ZNF385B: variants seen among roughly 807,000 people sequenced by gnomAD.
ZNF385B encodes the protein zinc finger protein 385B.
A neutral mutation model predicts 39.2 loss-of-function variants in ZNF385B; 23 were observed. That is an observed-to-expected ratio of 0.59 (90% confidence interval 0.42 to 0.83). ZNF385B has a LOEUF of 0.83. Among genes scored for constraint, ZNF385B ranks in the 40% least tolerant of loss-of-function variants. The probability of loss-of-function intolerance (pLI) is 0.00; values close to 1 mark genes in which losing one functional copy is unlikely to be tolerated. For missense variants in ZNF385B, 552 were observed against 598.9 expected (o/e 0.92, Z 0.82); for synonymous variants, 205 against 222.6 (o/e 0.92, Z 0.70).
At chr2:179,604,353 G>A (rs1054460434) in intron 3 of ZNF385B, among the ~76,000 whole-genome samples, 1 of 151,792 alleles carries the variant, frequency 6.6e-6, no homozygotes, top group African/African-American at 2.4e-5. Context: ...TCCTAAGACG[G>A]GGCTAATGAT....
In ZNF385B at chr2:179,861,514, C is replaced by G. The variant is rs539381909; in HGVS notation, c.-568G>C. ...CCGGGGTTTGGACGTGCCAACGCCA[C>G]TCTCGCGCGCCGAAGCTGTGACGGT... On this transcript the variant is annotated 5_prime_UTR_variant, in exon 1 of 10. Transcript: ENST00000410066. 1 of 152,318 alleles carries G rather than the reference C, an allele frequency of 6.6e-6. No individual in the cohort carries two copies. Among genetic ancestry groups the G allele is most frequent in the South Asian group, 2.0e-4 (1 of 4,894 alleles). 9.4% of individuals were successfully genotyped at this position (152,318 alleles called of 1,614,324 possible). A position where few individuals can be genotyped will look rare whatever the true frequency, so the allele number is the denominator to read the frequency against.
intron 3 of ZNF385B, among the ~76,000 whole-genome samples, chr2:179,742,754 G>A (rs753042086): frequency 2.5e-4 from 38 of 152,010 alleles, no homozygotes; most frequent in Admixed American, 3.9e-4. Context: ...TATACAATCA[G>A]GAAAGCCAAA....
chr2:179,744,332 C>A (rs188746772), intron 3 of ZNF385B, among the ~76,000 whole-genome samples: 1 of 113,476 alleles, frequency 8.8e-6, no homozygotes, highest in African/African-American at 3.1e-5. Context: ...TTTTTTAAAT[C>A]ATAGAGACGC....
At chr2:179,725,684 A>G (rs1371221348) in intron 3 of ZNF385B, among the ~76,000 whole-genome samples, 1 of 151,440 alleles carries the variant, frequency 6.6e-6, no homozygotes, top group African/African-American at 2.4e-5. Context: ...CTGAAAGCAC[A>G]GAAATTTAAC....
At chr2:179,687,650 G>A (rs1698027060) in intron 3 of ZNF385B, among the ~76,000 whole-genome samples, 1 of 152,226 alleles carries the variant, frequency 6.6e-6, no homozygotes, top group Admixed American at 6.5e-5. Flanking sequence ...ACATTGAGCA[G>A]TGATTTGGAG....
At chr2:179,480,653 T>A (rs1296528236) in intron 6 of ZNF385B, among the ~76,000 whole-genome samples, 1 of 152,148 alleles carries the variant, frequency 6.6e-6, no homozygotes, top group East Asian at 1.9e-4. Context: ...TGACATATGG[T>A]TGATGGTGAC....
chr2:179,846,729 G>A (rs894549565), intron 1 of ZNF385B, among the ~76,000 whole-genome samples: 1 of 152,222 alleles, frequency 6.6e-6, no homozygotes, highest in Non-Finnish European at 1.5e-5. Flanking sequence ...ACCCCTGAAG[G>A]TTTAAAGTAG....
intron 3 of ZNF385B, among the ~76,000 whole-genome samples, chr2:179,767,275 C>T (rs1703756897): frequency 6.6e-6 from 1 of 152,052 alleles, no homozygotes; most frequent in Non-Finnish European, 1.5e-5. Flanking sequence ...TAGTAGTCAT[C>T]AATTAAGAAC....
At chr2:179,469,173 T>G (rs919194243) in intron 6 of ZNF385B, among the ~76,000 whole-genome samples, 1 of 152,152 alleles carries the variant, frequency 6.6e-6, no homozygotes, top group African/African-American at 2.4e-5. Flanking sequence ...TAAACTTGCT[T>G]TCACTTTTTT....
intron 5 of ZNF385B, among the ~76,000 whole-genome samples, chr2:179,504,174 A>G (rs1184315699): frequency 6.7e-6 from 1 of 149,796 alleles, no homozygotes; most frequent in Non-Finnish European, 1.5e-5. Flanking sequence ...ATGATTTCCA[A>G]TTTCATCCAT....
intron 4 of ZNF385B, among the ~76,000 whole-genome samples, chr2:179,538,514 A>T (rs1025851706): frequency 1.3e-5 from 2 of 152,154 alleles, no homozygotes; most frequent in South Asian, 2.1e-4. Flanking sequence ...CAAGAAAAAA[A>T]TTTTTAAAAA....
chr2:179,580,752 A>G (rs1490592567), intron 3 of ZNF385B, among the ~76,000 whole-genome samples: 2 of 152,212 alleles, frequency 1.3e-5, no homozygotes, highest in Non-Finnish European at 2.9e-5. Context: ...CTTCAGAACT[A>G]TGAAAAATTT....
chr2:179,627,743 C>T (rs549840267), intron 3 of ZNF385B, among the ~76,000 whole-genome samples: 15 of 152,116 alleles, frequency 9.9e-5, no homozygotes, highest in Non-Finnish European at 1.8e-4. Flanking sequence ...TAGCACACTA[C>T]TGCCTATAAT....
chr2:179,555,871 G>C (rs1191320524), intron 3 of ZNF385B, among the ~76,000 whole-genome samples: 3 of 148,970 alleles, frequency 2.0e-5, no homozygotes, highest in African/African-American at 7.6e-5. Flanking sequence ...TCTCCCTAAA[G>C]AGCTCCGACA....
rs759969910 is a variant in ZNF385B, at chr2:179,566,679, C to T, written c.299-21710G>A. Among the ~76,000 whole-genome samples the T allele has an allele frequency of 3.3e-5, 5 of 152,224 alleles. No individual in the cohort carries two copies. The South Asian group carries it at 1.0e-3, about 32-fold the overall frequency. ...TCCACATATTTGAATTTTTAGAACT[C>T]AGAAATAATTTTCTTTTTAATTTAC... On this transcript the variant is annotated intron_variant, in intron 3 of 9. Coordinates refer to ENST00000410066, the MANE Select transcript of ZNF385B (RefSeq NM_152520.6).
At chr2:179,742,149 T>C (rs17824558) in intron 3 of ZNF385B, among the ~76,000 whole-genome samples, 15,500 of 152,178 alleles carry the variant, frequency 0.1, 1,053 homozygotes, top group Admixed American at 0.18. Flanking sequence ...CTAGTAATTA[T>C]AGAAGGCTTT....
chr2:179,774,264 G>A (rs557751315), intron 1 of ZNF385B, among the ~76,000 whole-genome samples: 1 of 151,960 alleles, frequency 6.6e-6, no homozygotes, highest in East Asian at 1.9e-4. Context: ...GTGTGTGTGT[G>A]TGGTATATGT....
chr2:179,610,244 TA>T (rs1270016528), intron 3 of ZNF385B, among the ~76,000 whole-genome samples: 1 of 152,184 alleles, frequency 6.6e-6, no homozygotes, highest in Admixed American at 6.5e-5. Context: ...TGGCAAGAGA[TA>T]GGGGTCTAGT....
intron 3 of ZNF385B, among the ~76,000 whole-genome samples, chr2:179,575,631 C>T (rs1310366404): frequency 6.6e-6 from 1 of 151,962 alleles, no homozygotes. Context: ...CTGATTCTAC[C>T]TACTTTACTG....
Sources: allele counts gnomAD v4.1 joint callset (sites outside exome capture counted in the v4.1 genomes callset), GRCh38; gene constraint gnomAD v4.1.1; transcripts MANE v1.5; gene names NCBI Gene and HGNC (gene_info 2026-07-23, HGNC 2026-07-21).